The following LRPPRC variants were observed in gnomAD, a reference collection of about 807,000 sequenced individuals.
LRPPRC encodes leucine rich pentatricopeptide repeat containing, also known as leucine-rich PPR motif-containing protein, mitochondrial.
Under a neutral mutation model 180.3 loss-of-function variants are expected in LRPPRC, and 120 were observed. That is an observed-to-expected ratio of 0.67 (90% confidence interval 0.57 to 0.77). LRPPRC has a LOEUF of 0.77. LRPPRC is among the 30% of genes least tolerant of loss of function. LRPPRC has a pLI of 0.00. For synonymous variants in LRPPRC, 723 were observed against 600.0 expected (o/e 1.21, Z -3.00); for missense variants, 2,012 against 1,657.2 (o/e 1.21, Z -3.72).
rs997583952 is a variant in LRPPRC, at chr2:43,888,490, C to T, written c.*110G>A. The stretch of plus-strand genomic sequence containing the variant: ...AGACTTTGAACATGCATCACACATA[C>T]ATAAGTACATAAAGAAAATTTTCAT... On this transcript the variant is annotated 3_prime_UTR_variant, in exon 38 of 38. Coordinates refer to ENST00000260665, the MANE Select transcript of LRPPRC (RefSeq NM_133259.4). The T allele has an allele frequency of 2.2e-5, 16 of 715,694 alleles. No individual in the cohort carries two copies. Among genetic ancestry groups the T allele is most frequent in the Admixed American group, 4.1e-5 (2 of 49,214 alleles). The allele number at this position is 715,694 out of a possible 1,614,324, so 44.3% of individuals were successfully genotyped here.
rs745653250 is a variant in LRPPRC at position 43,974,715 on chromosome 2, C to G, written c.908G>C (p.Arg303Pro). 3.7e-6 allele frequency: 6 copies of G among 1,613,086 alleles called. No homozygotes were observed. In the South Asian group the frequency reaches 6.6e-5, roughly 18 times the overall value. ...VEKSELHLMD[R>P]DLLQIIFSFS... ...GCTAAAAATAATTTGCAGTAAATCA[C>G]GGTCCATAAGGTGAAGCTCGGACTT... Residue 303 changes from arginine (R) to proline (P), a missense_variant, in exon 8 of 38, where the codon CGT (arginine) becomes CCT (proline). Physicochemically the swap from Arg to Pro is moderately radical, Grantham distance 103. Coordinates refer to ENST00000260665, the MANE Select transcript of LRPPRC (RefSeq NM_133259.4).
At chr2:43,978,278 G>C (rs1402961553) in intron 3 of LRPPRC, among the ~76,000 whole-genome samples, 1 of 152,042 alleles carries the variant, frequency 6.6e-6, no homozygotes, top group African/African-American at 2.4e-5. Context: ...CAAACTACAA[G>C]GTTTCTGGCA....
chr2:43,895,695 T>C (rs1190933570), intron 35 of LRPPRC, among the ~76,000 whole-genome samples: 4 of 152,094 alleles, frequency 2.6e-5, no homozygotes, highest in Non-Finnish European at 5.9e-5. Context: ...GGTGTAGAAA[T>C]TCAGGAAAAC....
intron 29 of LRPPRC, among the ~76,000 whole-genome samples, chr2:43,917,221 A>G (rs1439446034): frequency 6.6e-6 from 1 of 151,560 alleles, no homozygotes; most frequent in African/African-American, 2.4e-5. Flanking sequence ...TGGTATTTCT[A>G]GTAGAGATGG....
At position 43,973,825 on chromosome 2, in the gene LRPPRC, G is replaced by A. The variant is rs1057200884; in HGVS notation, c.1231C>T (p.Leu411Phe). 7 of 1,613,748 alleles carry A rather than the reference G, an allele frequency of 4.3e-6. No individual in the cohort carries two copies. Among genetic ancestry groups the A allele is most frequent in the Admixed American group, 1.7e-5 (1 of 60,020 alleles). Reference protein sequence around the residue: ...QMHSFPLQFTLHCALLANKTD... With the variant: ...QMHSFPLQFTFHCALLANKTD... The stretch of plus-strand genomic sequence containing the variant: ...TTATTGGCGAGTAAAGCACAATGGA[G>A]GGTGAACTGCAGAGGAAAGGAGTGC... Residue 411 changes from leucine (L) to phenylalanine (F), a missense_variant, in exon 10 of 38, where the codon CTC becomes TTC. Coordinates refer to ENST00000260665, the MANE Select transcript of LRPPRC (RefSeq NM_133259.4).
At chr2:43,893,823 GACTT>G (rs1203987891) in intron 36 of LRPPRC, among the ~76,000 whole-genome samples, 3 of 152,116 alleles carry the variant, frequency 2.0e-5, no homozygotes, top group African/African-American at 7.2e-5. Flanking sequence ...AAAGAGAACT[GACTT>G]ACTAATTCTG....
intron 34 of LRPPRC, among the ~76,000 whole-genome samples, chr2:43,897,410 T>TA (rs958457797): frequency 1.3e-5 from 2 of 152,204 alleles, no homozygotes; most frequent in Admixed American, 1.3e-4. Flanking sequence ...TTTAAGTTTC[T>TA]AAAAGAACAC....
At chr2:43,988,765 G>A (rs186413854) in intron 1 of LRPPRC, among the ~76,000 whole-genome samples, 32 of 152,022 alleles carry the variant, frequency 2.1e-4, no homozygotes, top group East Asian at 1.9e-3. Flanking sequence ...GGATGGTCTC[G>A]ATCTCCTGAC....
At chr2:43,945,541 C>T in intron 21 of LRPPRC, 124 bp from the exon 22 acceptor site, 1 of 693,802 alleles carries the variant, frequency 1.4e-6, no homozygotes, top group Non-Finnish European at 2.6e-6. Context: ...GGCCTCTACG[C>T]TTCAGTTAGG....
In LRPPRC at chr2:43,889,875, G is replaced by T. The variant is rs1356606197; in HGVS notation, c.3987C>A (p.Val1329=). Residue 1329 remains valine (V), a splice_region_variant and synonymous_variant, in exon 37 of 38, where the codon GTC becomes GTA. Coordinates refer to ENST00000260665, the MANE Select transcript of LRPPRC (RefSeq NM_133259.4). ...EAYNSLMKSY[V]SEKDVTSAKA... ...TAGCAGATGTGACATCTTTCTCTGA[G>T]ACTGACATAAAGAAAAAAATATATT... The T allele has an allele frequency of 6.2e-7, 1 of 1,603,538 alleles. No homozygotes were observed.
chr2:43,945,536 C>G (rs935590982), intron 21 of LRPPRC, 119 bp from the exon 22 acceptor site: 1 of 705,654 alleles, frequency 1.4e-6, no homozygotes, highest in Non-Finnish European at 2.6e-6. Flanking sequence ...ATGTTGGCCT[C>G]TACGCTTCAG....
intron 14 of LRPPRC, among the ~76,000 whole-genome samples, chr2:43,956,623 C>T (rs1673128330): frequency 6.6e-6 from 1 of 152,130 alleles, no homozygotes; most frequent in Non-Finnish European, 1.5e-5. Context: ...GGCACAGTGG[C>T]TCATGCCTGT....
At chr2:43,908,445 T>TA (rs1671137333) in intron 30 of LRPPRC, among the ~76,000 whole-genome samples, 1 of 152,146 alleles carries the variant, frequency 6.6e-6, no homozygotes. Flanking sequence ...ATTGAAGAAA[T>TA]CTTATTAGAG....
chr2:43,913,552 T>C (rs1295282045), intron 29 of LRPPRC, among the ~76,000 whole-genome samples: 2 of 152,222 alleles, frequency 1.3e-5, no homozygotes, highest in Admixed American at 6.5e-5. Context: ...TGTGCATTAG[T>C]CCCTTAATTA....
At chr2:43,895,942 A>C (rs1408542652) in intron 35 of LRPPRC, among the ~76,000 whole-genome samples, 1 of 152,154 alleles carries the variant, frequency 6.6e-6, no homozygotes, top group Non-Finnish European at 1.5e-5. Flanking sequence ...AAATTTTTTC[A>C]AAAGGACTTG....
chr2:43,888,684 T>C, intron 37 of LRPPRC, 28 bp from the exon 38 acceptor site: 1 of 1,291,784 alleles, frequency 7.7e-7, no homozygotes, highest in Non-Finnish European at 1.1e-6. Flanking sequence ...AGAGGGAAGT[T>C]AGAGATACCA....
chr2:43,954,886 A>G (rs1390662308), intron 14 of LRPPRC, among the ~76,000 whole-genome samples: 1 of 152,164 alleles, frequency 6.6e-6, no homozygotes, highest in African/African-American at 2.4e-5. Context: ...TGTTAAGTGA[A>G]AAAGAAAGAT....
Position 43,973,858 on chromosome 2 carries a change from C to G in LRPPRC, c.1198G>C (p.Val400Leu), listed in dbSNP as rs1572566149. 1 of 1,613,460 alleles carries G rather than the reference C, an allele frequency of 6.2e-7. No individual in the cohort carries two copies. The highest frequency in any genetic ancestry group is 1.3e-5 in the African/African-American group (1 of 74,902). Reference sequence around the variant, plus strand: ...TGCAGAGGAAAGGAGTGCATCTGGACTTCCTTTAACTTCTTACAGTAGTCT... The same window carrying G: ...TGCAGAGGAAAGGAGTGCATCTGGAGTTCCTTTAACTTCTTACAGTAGTCT... ...LTDYCKKLKE[V>L]QMHSFPLQFT... Residue 400 changes from valine to leucine, a missense_variant, in exon 10 of 38, where the codon GTC (valine) becomes CTC (leucine). Physicochemically the swap from Val to Leu is conservative, Grantham distance 32 (BLOSUM62 1). Transcript: ENST00000260665.
At chr2:43,923,856 A>G (rs1671783772) in intron 27 of LRPPRC, among the ~76,000 whole-genome samples, 2 of 152,208 alleles carry the variant, frequency 1.3e-5, no homozygotes, top group Non-Finnish European at 2.9e-5. Context: ...AAGAAAAAGT[A>G]GGTAGAGTGG....
Sources: gnomAD v4.1 joint callset for allele counts (sites outside exome capture counted in the v4.1 genomes callset) on GRCh38, gnomAD v4.1.1 for gene constraint, MANE v1.5 for transcripts, NCBI Gene and HGNC (gene_info 2026-07-23, HGNC 2026-07-21) for gene names.